TOX: variants seen among roughly 807,000 people sequenced by gnomAD.
TOX encodes thymocyte selection associated high mobility group box.
Under a neutral mutation model 53.7 loss-of-function variants are expected in TOX, and 11 were observed. That is an observed-to-expected ratio of 0.20 (90% CI 0.13 to 0.34). The LOEUF is 0.34. TOX is among the 10% of genes least tolerant of loss of function. TOX has a pLI of 1.00. For synonymous variants in TOX, 225 were observed against 245.3 expected (o/e 0.92, Z 0.77); for missense variants, 570 against 664.6 (o/e 0.86, Z 1.56).
intron 4 of TOX, among the ~76,000 whole-genome samples, chr8:58,848,401 T>TA (rs1387940896): frequency 6.6e-6 from 1 of 152,062 alleles, no homozygotes; most frequent in Non-Finnish European, 1.5e-5. Context: ...TATAGTAAGG[T>TA]AAATGCAGTA....
intron 1 of TOX, among the ~76,000 whole-genome samples, chr8:59,080,146 C>A (rs531382527): frequency 7.2e-4 from 109 of 152,182 alleles, no homozygotes; most frequent in Middle Eastern, 6.8e-3. Flanking sequence ...CCATGCCTGG[C>A]TGATTTTTGT....
At chr8:58,903,574 C>T (rs1256657564) in intron 3 of TOX, among the ~76,000 whole-genome samples, 1 of 152,146 alleles carries the variant, frequency 6.6e-6, no homozygotes, top group Non-Finnish European at 1.5e-5. Context: ...GGTGTTCCAT[C>T]AATTCCAGGA....
intron 1 of TOX, among the ~76,000 whole-genome samples, chr8:59,044,230 C>CAAAAAAAAAAA (rs78904701): frequency 3.5e-5 from 4 of 114,094 alleles, no homozygotes; most frequent in Non-Finnish European, 7.4e-5. Context: ...TGGCACTCAT[C>CAAAAAAAAAAA]AAAAAAAAAA....
intron 3 of TOX, among the ~76,000 whole-genome samples, chr8:58,936,096 C>T (rs1332226431): frequency 6.6e-6 from 1 of 152,182 alleles, no homozygotes. Context: ...TTTCGTAATA[C>T]TTTTGCCCTT....
intron 5 of TOX, among the ~76,000 whole-genome samples, chr8:58,832,277 C>A (rs1810474372): frequency 6.6e-6 from 1 of 150,656 alleles, no homozygotes; most frequent in Non-Finnish European, 1.5e-5. Flanking sequence ...ATTTTCATTG[C>A]TCAGTTTCAA....
rs769468401 is a variant in TOX, at chr8:58,838,236, C to CCTT, written c.766_768dup (p.Lys256dup). 1 of 1,613,990 alleles carries CCTT rather than the reference C, an allele frequency of 6.2e-7. No individual in the cohort carries two copies. ...ACAGGCTTCTGGGGCTCATTGGGAT[C>CCTT]CTTCTTCTTCTTCTTTTTGGGAGTT... On this transcript the variant is annotated inframe_insertion, in exon 5 of 9. Coordinates refer to ENST00000361421, the MANE Select transcript of TOX (RefSeq NM_014729.3).
intron 1 of TOX, among the ~76,000 whole-genome samples, chr8:59,096,737 C>T (rs1163007299): frequency 2.0e-5 from 3 of 152,112 alleles, no homozygotes; most frequent in African/African-American, 7.2e-5. Context: ...GTGAACACCT[C>T]CAGGAGCAAG....
At chr8:59,096,551 A>G (rs2129424135) in intron 1 of TOX, among the ~76,000 whole-genome samples, 1 of 152,362 alleles carries the variant, frequency 6.6e-6, no homozygotes, top group Middle Eastern at 3.4e-3. Context: ...TATGGTCTAT[A>G]ATTTAGTTAA....
At chr8:59,078,097 A>C (rs1490296497) in intron 1 of TOX, among the ~76,000 whole-genome samples, 1 of 152,210 alleles carries the variant, frequency 6.6e-6, no homozygotes, top group Non-Finnish European at 1.5e-5. Flanking sequence ...AAAAGTCATA[A>C]AGCTTAATTC....
intron 1 of TOX, among the ~76,000 whole-genome samples, chr8:59,076,587 A>T (rs1012126841): frequency 6.6e-6 from 1 of 152,198 alleles, no homozygotes; most frequent in Non-Finnish European, 1.5e-5. Context: ...AAAATATACA[A>T]TGTGACTAAT....
At chr8:58,888,789 G>C (rs1404401620) in intron 3 of TOX, among the ~76,000 whole-genome samples, 1 of 151,760 alleles carries the variant, frequency 6.6e-6, no homozygotes, top group Non-Finnish European at 1.5e-5. Context: ...TCATCCACTG[G>C]ATCCAAATCA....
At chr8:59,040,277 C>T (rs1407352070) in intron 1 of TOX, among the ~76,000 whole-genome samples, 2 of 138,004 alleles carry the variant, frequency 1.4e-5, no homozygotes, top group Non-Finnish European at 3.1e-5. Context: ...TGCAGTGAGC[C>T]GAGATCCCGC....
intron 1 of TOX, among the ~76,000 whole-genome samples, chr8:59,072,768 A>G (rs1348527369): frequency 2.0e-5 from 3 of 152,178 alleles, no homozygotes; most frequent in Non-Finnish European, 2.9e-5. Flanking sequence ...TTCAACTATC[A>G]TAAGTTTAAT....
rs1011078317 is a variant in TOX at position 58,815,595 on chromosome 8, G to T, written c.1135C>A (p.Pro379Thr). The T allele has an allele frequency of 2.5e-6, 4 of 1,614,062 alleles. No individual in the cohort carries two copies. Among genetic ancestry groups the T allele is most frequent in the Non-Finnish European group, 3.4e-6 (4 of 1,180,038 alleles). ...GCAGTTAGGTGAGGATTCATTCCCG[G>T]TTGTTGGTGATAGTGGGAACTTAGG... ...LYLSSHYHQQPGMNPHLTAMH... is the reference protein window; with the variant it reads ...LYLSSHYHQQTGMNPHLTAMH... The change falls in exon 7 of 9, where the codon CCG becomes ACG. Residue 379 changes from proline (P) to threonine (T), a missense_variant. Pro to Thr is a conservative substitution (Grantham distance 38, BLOSUM62 -1). Transcript: ENST00000361421.
intron 1 of TOX, among the ~76,000 whole-genome samples, chr8:59,007,059 A>G (rs1813803558): frequency 1.3e-5 from 2 of 152,192 alleles, no homozygotes; most frequent in South Asian, 4.1e-4. Context: ...GCAAAGTTTA[A>G]GAGAAGCTAG....
In TOX at chr8:58,826,915, CAA is replaced by C. The variant is rs745412523; in HGVS notation, c.925-15_925-14del. On this transcript the variant is annotated splice_polypyrimidine_tract_variant and intron_variant, in intron 5 of 8. Coordinates refer to ENST00000361421, the MANE Select transcript of TOX (RefSeq NM_014729.3). ...TCTTTTTATAGACCTGCAACAACAGCAAAGAGTCTTAAATTAGAAAGTGCATT... is the reference window on the plus strand; with the variant it reads ...TCTTTTTATAGACCTGCAACAACAGCAGAGTCTTAAATTAGAAAGTGCATT... The C allele has an allele frequency of 2.5e-6, 4 of 1,606,678 alleles. No homozygotes were observed. The South Asian group carries it at 4.5e-5, about 18-fold the overall frequency.
At chr8:58,949,638 G>A (rs1812585854) in intron 2 of TOX, among the ~76,000 whole-genome samples, 1 of 152,004 alleles carries the variant, frequency 6.6e-6, no homozygotes, top group African/African-American at 2.4e-5. Flanking sequence ...GTTAACAATT[G>A]ATTGCAATTT....
rs555157127 is a variant in TOX at position 58,959,852 on chromosome 8, AG to A, written c.168+90del. 2.3e-4 allele frequency: 285 copies of A among 1,264,144 alleles called. 3 individuals carry two copies. In the South Asian group the frequency reaches 3.4e-3, roughly 15 times the overall value. The allele number at this position is 1,264,144 out of a possible 1,614,324, so 78.3% of individuals were successfully genotyped here. A position where few individuals can be genotyped will look rare whatever the true frequency, so the allele number is the denominator to read the frequency against. ...AATTATGATTATTCCTGATTGCGGC[AG>A]TTACTGATAGTGCTACTCATTTGCA... On this transcript the variant is annotated intron_variant, in intron 2 of 8. Transcript: ENST00000361421.
chr8:59,092,274 T>TAG (rs1804625781), intron 1 of TOX, among the ~76,000 whole-genome samples: 2 of 91,510 alleles, frequency 2.2e-5, no homozygotes, highest in Non-Finnish European at 3.5e-5. Flanking sequence ...TTTATATATA[T>TAG]ATATATATTA....
Sources: allele counts gnomAD v4.1 joint callset (sites outside exome capture counted in the v4.1 genomes callset), GRCh38; gene constraint gnomAD v4.1.1; transcripts MANE v1.5; gene names NCBI Gene and HGNC (gene_info 2026-07-23, HGNC 2026-07-21).